The following FER variants were observed in gnomAD, a reference collection of about 807,000 sequenced individuals.
FER encodes the protein FER tyrosine kinase.
Under a neutral mutation model 111.0 loss-of-function variants are expected in FER, and 63 were observed. The ratio of observed to expected loss-of-function variants is 0.57; its 90% confidence interval spans 0.46 to 0.70. The LOEUF (loss-of-function observed/expected upper bound fraction) is 0.70. Among genes scored for constraint, FER ranks in the 30% least tolerant of loss-of-function variants. The pLI, the probability that FER is intolerant of heterozygous loss-of-function variation, is 0.00. For missense variants in FER, 914 were observed against 954.0 expected (o/e 0.96, Z 0.55); for synonymous variants, 327 against 313.9 (o/e 1.04, Z -0.44).
chr5:109,124,176 A>G (rs1751373564), intron 17 of FER, among the ~76,000 whole-genome samples: 2 of 152,202 alleles, frequency 1.3e-5, no homozygotes, highest in African/African-American at 4.8e-5. Flanking sequence ...GCAGTGTGCC[A>G]TGATTGTGCC....
At chr5:108,750,530 A>G (rs1561361511) in intron 1 of FER, among the ~76,000 whole-genome samples, 1 of 152,200 alleles carries the variant, frequency 6.6e-6, no homozygotes, top group Non-Finnish European at 1.5e-5. Flanking sequence ...TTTAGTGAAG[A>G]TCTGTTTCTC....
intron 13 of FER, among the ~76,000 whole-genome samples, chr5:109,016,061 AG>A (rs1432864120): frequency 6.6e-6 from 1 of 152,050 alleles, no homozygotes; most frequent in Non-Finnish European, 1.5e-5. Flanking sequence ...CAAAGGCACC[AG>A]GAGCTGAGAA....
At position 109,196,337 on chromosome 5, in the gene FER, A is replaced by T. The variant is rs1289711721; in HGVS notation, c.*8762A>T. 6.6e-6 allele frequency: 1 copy of T among 152,230 alleles called. No individual in the cohort carries two copies. Among genetic ancestry groups the T allele is most frequent in the Admixed American group, 6.5e-5 (1 of 15,292 alleles). The allele number at this position is 152,230 out of a possible 1,614,324, so 9.4% of individuals were successfully genotyped here. On this transcript the variant is annotated 3_prime_UTR_variant, in exon 20 of 20. Coordinates refer to ENST00000281092, the MANE Select transcript of FER (RefSeq NM_005246.4). ...CATTCCACCTGCAAGCAGCATTTTG[A>T]GTAAAGCACTGCTGTGGTTTGCCGA...
chr5:108,921,433 T>A (rs1249426244), intron 10 of FER, among the ~76,000 whole-genome samples: 2 of 152,176 alleles, frequency 1.3e-5, no homozygotes, highest in Non-Finnish European at 2.9e-5. Context: ...GCACTTTCAT[T>A]ATGTTTACTA....
intron 17 of FER, among the ~76,000 whole-genome samples, chr5:109,128,587 T>C (rs1029999247): frequency 6.6e-6 from 1 of 152,178 alleles, no homozygotes; most frequent in Admixed American, 6.5e-5. Flanking sequence ...TCTCATCATG[T>C]GTTTAAGCCC....
At chr5:108,839,492 G>T (rs868184235) in intron 5 of FER, among the ~76,000 whole-genome samples, 1 of 151,446 alleles carries the variant, frequency 6.6e-6, no homozygotes, top group Non-Finnish European at 1.5e-5. Context: ...TATCCAATGG[G>T]TTTTTAAAAA....
At chr5:108,904,650 A>G (rs148406628) in intron 10 of FER, among the ~76,000 whole-genome samples, 158 of 152,308 alleles carry the variant, frequency 1.0e-3, no homozygotes, top group African/African-American at 3.3e-3. Context: ...TTTTTGTTGT[A>G]AATACATCTT....
chr5:109,161,730 G>T (rs941285783), intron 17 of FER, among the ~76,000 whole-genome samples: 2 of 152,072 alleles, frequency 1.3e-5, no homozygotes, highest in Non-Finnish European at 1.5e-5. Flanking sequence ...ATGGTAGAAC[G>T]ATTTTATTCC....
intron 13 of FER, among the ~76,000 whole-genome samples, chr5:109,032,938 G>A (rs1049256285): frequency 3.3e-5 from 5 of 152,164 alleles, no homozygotes; most frequent in African/African-American, 1.2e-4. Context: ...AAGTCAATCT[G>A]TTGTAGCTTC....
intron 13 of FER, among the ~76,000 whole-genome samples, chr5:108,999,818 T>A (rs1764488662): frequency 6.6e-6 from 1 of 152,082 alleles, no homozygotes; most frequent in Non-Finnish European, 1.5e-5. Flanking sequence ...TATTAGCTCT[T>A]CTGTTTTCCA....
At chr5:109,109,977 G>A (rs976138050) in intron 17 of FER, among the ~76,000 whole-genome samples, 6 of 152,084 alleles carry the variant, frequency 3.9e-5, no homozygotes, top group South Asian at 2.1e-4. Context: ...GCCAAATCCG[G>A]TGTTAACAAG....
chr5:108,944,108 TACACACACACAC>T (rs34138754), intron 10 of FER, among the ~76,000 whole-genome samples: 5 of 145,638 alleles, frequency 3.4e-5, no homozygotes, highest in African/African-American at 1.0e-4. Flanking sequence ...TGTGTATGTG[TACACACACACAC>T]ACACACACAC....
chr5:109,001,085 G>A (rs1764704815), intron 13 of FER, among the ~76,000 whole-genome samples: 1 of 152,120 alleles, frequency 6.6e-6, no homozygotes, highest in African/African-American at 2.4e-5. Context: ...ACAAGGAGGA[G>A]CTGGTACCAT....
At chr5:108,893,521 G>A (rs1748523193) in intron 9 of FER, among the ~76,000 whole-genome samples, 1 of 151,848 alleles carries the variant, frequency 6.6e-6, no homozygotes. Context: ...GGAGGTCTTG[G>A]GATGTAGTTT....
In FER at chr5:109,019,749, A is replaced by T. The variant is rs59005676; in HGVS notation, c.1657-17673A>T. ...CATTTCTTCTAGCATTCTTCCCTGC[A>T]ATCCCAGGGAAGAAGTGAGTTACAC... On this transcript the variant is annotated intron_variant, in intron 13 of 19. Transcript: ENST00000281092. Among the ~76,000 whole-genome samples, 1,157 of 151,918 alleles carry T rather than the reference A, an allele frequency of 7.6e-3. 16 individuals are homozygous for T. Among genetic ancestry groups the T allele is most frequent in the African/African-American group, 0.026 (1,095 of 41,500 alleles).
At chr5:108,954,342 C>T (rs953269687) in intron 11 of FER, among the ~76,000 whole-genome samples, 2 of 152,100 alleles carry the variant, frequency 1.3e-5, no homozygotes, top group Non-Finnish European at 2.9e-5. Flanking sequence ...AAAGAAATAA[C>T]TCAACTTTTC....
chr5:108,977,686 C>G lies in FER; in HGVS notation c.1656+18339C>G, dbSNP rs1761543665. ...CATATTTGGAATGTTTATATACTCC[C>G]TTTTCCTCATCCTTCACATTTAATA... On this transcript the variant is annotated intron_variant, in intron 13 of 19. Coordinates refer to ENST00000281092, the MANE Select transcript of FER (RefSeq NM_005246.4). 2.0e-5 allele frequency among the ~76,000 whole-genome samples: 3 copies of G among 152,196 alleles called. No homozygotes were observed. The South Asian group carries it at 6.2e-4, about 31-fold the overall frequency.
At chr5:108,801,202 T>C (rs182265450) in intron 3 of FER, among the ~76,000 whole-genome samples, 190 of 152,368 alleles carry the variant, frequency 1.2e-3, no homozygotes, top group Non-Finnish European at 1.4e-3. Context: ...TTCATATTTT[T>C]ATCTTTTTTT....
At chr5:109,076,486 G>A (rs1245157066) in intron 16 of FER, among the ~76,000 whole-genome samples, 1 of 152,120 alleles carries the variant, frequency 6.6e-6, no homozygotes, top group African/African-American at 2.4e-5. Flanking sequence ...TTGGAGTGCA[G>A]TGGTGTAATC....
Sources: allele counts gnomAD v4.1 joint callset (sites outside exome capture counted in the v4.1 genomes callset), GRCh38; gene constraint gnomAD v4.1.1; transcripts MANE v1.5; gene names NCBI Gene and HGNC (gene_info 2026-07-23, HGNC 2026-07-21).